The following ICE2 variants were observed in gnomAD, a reference collection of about 807,000 sequenced individuals.
The protein encoded by ICE2 is interactor of little elongation complex ELL subunit 2.
A neutral mutation model predicts 105.4 loss-of-function variants in ICE2; 87 were observed. The observed-to-expected ratio is 0.83, with a 90% CI of 0.69 to 0.99. ICE2 has a LOEUF of 0.99. ICE2 is among the 50% of genes least tolerant of loss of function. ICE2 has a pLI of 0.00. For missense variants in ICE2, 1,323 were observed against 1,146.7 expected (o/e 1.15, Z -2.22); for synonymous variants, 399 against 392.0 (o/e 1.02, Z -0.21).
At chr15:60,429,695 T>G (rs1269114435) in intron 14 of ICE2, among the ~76,000 whole-genome samples, 2 of 152,224 alleles carry the variant, frequency 1.3e-5, no homozygotes, top group African/African-American at 2.4e-5. Context: ...GGTTACATTT[T>G]CATCAATTTT....
chr15:60,438,872 C>G (rs10431763), intron 12 of ICE2: 98,273 of 152,100 alleles, frequency 0.65, 33,553 homozygotes, highest in East Asian at 0.93. Context: ...TATTGCCCTT[C>G]AGCCACAAGC....
intron 5 of ICE2, among the ~76,000 whole-genome samples, chr15:60,466,244 G>A (rs1244423704): frequency 6.6e-6 from 1 of 152,168 alleles, no homozygotes; most frequent in African/African-American, 2.4e-5. Flanking sequence ...ACTTGACCGA[G>A]TTTTAAAAGG....
At chr15:60,436,093 G>T in intron 13 of ICE2, 50 bp downstream of exon 13, 2 of 698,440 alleles carry the variant, frequency 2.9e-6, no homozygotes, top group South Asian at 2.2e-5. Flanking sequence ...AAAAATTAAT[G>T]ATCACATTAA....
intron 14 of ICE2, among the ~76,000 whole-genome samples, chr15:60,430,882 CT>C (rs963625149): frequency 6.6e-6 from 1 of 151,428 alleles, no homozygotes; most frequent in South Asian, 2.1e-4. Context: ...GCTCTATGTT[CT>C]TTTTTTTTCT....
chr15:60,466,809 A>G, intron 4 of ICE2, 96 bp from the exon 5 acceptor site: 1 of 1,020,394 alleles, frequency 9.8e-7, no homozygotes, highest in Admixed American at 2.6e-5. Context: ...GACTTAAAGA[A>G]TAATTAAAGT....
chr15:60,451,235 T>C, intron 9 of ICE2: 6 of 595,382 alleles, frequency 1.0e-5, no homozygotes, highest in Non-Finnish European at 1.1e-5. Flanking sequence ...TAATAAACGA[T>C]GAGAATATAT....
At position 60,455,043 on chromosome 15, in the gene ICE2, C is replaced by T. The variant is rs770385640; in HGVS notation, c.903G>A (p.Gln301=). 1.8e-5 allele frequency: 28 copies of T among 1,587,492 alleles called. No individual in the cohort carries two copies. The highest frequency in any genetic ancestry group is 2.0e-5 in the Non-Finnish European group (24 of 1,171,878). ...LNNHGPTYKE[Q]WEIPVCIQVI... is the part of the protein sequence containing the mutation. ...CTTGAATACACACTGGAATTTCCCA[C>T]TGTTCCTTGTACGTTGGTCCATGAT... Residue 301 remains glutamine, a synonymous_variant, in exon 8 of 16, where the codon CAG becomes CAA. Transcript: ENST00000261520.
chr15:60,431,560 C>G (rs989885537), intron 14 of ICE2, among the ~76,000 whole-genome samples: 2 of 152,132 alleles, frequency 1.3e-5, no homozygotes, highest in African/African-American at 4.8e-5. Context: ...TTTCCTTAGT[C>G]TCCAGAAAGG....
At chr15:60,436,511 G>C (rs1432871665) in intron 12 of ICE2, among the ~76,000 whole-genome samples, 1 of 151,690 alleles carries the variant, frequency 6.6e-6, no homozygotes, top group Non-Finnish European at 1.5e-5. Flanking sequence ...TACAATTTAT[G>C]AACAACAACT....
intron 11 of ICE2, among the ~76,000 whole-genome samples, chr15:60,446,867 A>G (rs890700735): frequency 2.0e-5 from 3 of 152,104 alleles, no homozygotes; most frequent in Non-Finnish European, 4.4e-5. Flanking sequence ...AGACACCAAA[A>G]CTTGTTTTTT....
chr15:60,463,907 T>G (rs1412919515), intron 5 of ICE2, among the ~76,000 whole-genome samples: 1 of 152,236 alleles, frequency 6.6e-6, no homozygotes, highest in Non-Finnish European at 1.5e-5. Context: ...GTAAGGAGAA[T>G]GTTATTTATT....
chr15:60,445,763 G>A (rs1054084689), intron 11 of ICE2: 21 of 985,126 alleles, frequency 2.1e-5, no homozygotes, highest in East Asian at 1.1e-4. Context: ...AAGAGATACC[G>A]GCCATCAACA....
intron 5 of ICE2, among the ~76,000 whole-genome samples, chr15:60,463,935 AG>A (rs1291603575): frequency 6.6e-6 from 1 of 152,228 alleles, no homozygotes; most frequent in Admixed American, 6.5e-5. Context: ...AGGACTACAC[AG>A]GGGGCTTCTG....
intron 3 of ICE2, among the ~76,000 whole-genome samples, chr15:60,471,331 C>G (rs2064588250): frequency 6.6e-6 from 1 of 152,174 alleles, no homozygotes; most frequent in Non-Finnish European, 1.5e-5. Flanking sequence ...AACTGCTGAT[C>G]TTGGGAGAAA....
rs557269521 is a variant in ICE2, at chr15:60,423,064, G to C, written c.*570C>G. 6.5e-6 allele frequency: 1 copy of C among 152,686 alleles called. No homozygotes were observed. Among genetic ancestry groups the C allele is most frequent in the African/African-American group, 2.4e-5 (1 of 41,536 alleles). 9.5% of individuals were successfully genotyped at this position (152,686 alleles called of 1,614,324 possible). ...TTGCCAAACAAGAAGTCAGTAATCT[G>C]ACTTTTCAGAGGCAGGGAGTTTTTA... On this transcript the variant is annotated 3_prime_UTR_variant, in exon 16 of 16. Coordinates refer to ENST00000261520, the MANE Select transcript of ICE2 (RefSeq NM_024611.6).
chr15:60,470,895 A>G (rs2064574546), intron 3 of ICE2, among the ~76,000 whole-genome samples: 1 of 152,162 alleles, frequency 6.6e-6, no homozygotes, highest in African/African-American at 2.4e-5. Flanking sequence ...CTTATTTCTT[A>G]TAAATACCCG....
At chr15:60,460,815 GA>G (rs1312915713) in intron 5 of ICE2, among the ~76,000 whole-genome samples, 1 of 152,068 alleles carries the variant, frequency 6.6e-6, no homozygotes, top group Non-Finnish European at 1.5e-5. Context: ...ATTCATACGG[GA>G]AAAAATGAAC....
chr15:60,442,788 A>G (rs1188112815), intron 11 of ICE2: 2 of 300,976 alleles, frequency 6.6e-6, no homozygotes, highest in East Asian at 1.4e-4. Flanking sequence ...TTGTGACCAA[A>G]ATCAACATAC....
intron 1 of ICE2, 51 bp downstream of exon 1, chr15:60,478,952 G>A (rs965212542): frequency 4.4e-6 from 2 of 455,690 alleles, no homozygotes. Flanking sequence ...CCGCTGGCCC[G>A]GCAGCGCCCT....
Sources: allele counts gnomAD v4.1 joint callset (sites outside exome capture counted in the v4.1 genomes callset), GRCh38; gene constraint gnomAD v4.1.1; transcripts MANE v1.5; gene names NCBI Gene and HGNC (gene_info 2026-07-23, HGNC 2026-07-21).